UNC13C: variants seen among roughly 807,000 people sequenced by gnomAD.
The protein encoded by UNC13C is unc-13 homolog C.
In UNC13C, 174 loss-of-function variants were observed where a neutral mutation model predicts 245.4. That is an observed-to-expected ratio of 0.71 (90% confidence interval 0.63 to 0.80). The LOEUF is 0.80. Among genes scored for constraint, UNC13C ranks in the 30% least tolerant of loss-of-function variants. The probability of loss-of-function intolerance (pLI) is 0.00; values close to 1 mark genes in which losing one functional copy is unlikely to be tolerated. For missense variants in UNC13C, 2,829 were observed against 2,602.9 expected (o/e 1.09, Z -1.89); for synonymous variants, 992 against 895.1 (o/e 1.11, Z -1.93).
chr15:54,065,159 G>C (rs761032114), intron 2 of UNC13C, among the ~76,000 whole-genome samples: 5 of 152,096 alleles, frequency 3.3e-5, no homozygotes, highest in South Asian at 2.1e-4. Flanking sequence ...TTTCTAGCTT[G>C]GATCAGAGAG....
chr15:54,364,529 A>G (rs1434872134), intron 17 of UNC13C, among the ~76,000 whole-genome samples: 1 of 152,136 alleles, frequency 6.6e-6, no homozygotes, highest in African/African-American at 2.4e-5. Flanking sequence ...TCAATTTAGT[A>G]TCATCTTTTG....
chr15:54,325,776 A>G (rs922673749), intron 14 of UNC13C, among the ~76,000 whole-genome samples: 1 of 152,114 alleles, frequency 6.6e-6, no homozygotes, highest in Non-Finnish European at 1.5e-5. Context: ...GTGAAATTGG[A>G]TGAGGAAACA....
the UNC13C span, chr15:53,910,988 G>GGCA: frequency 2.0e-5 from 3 of 152,244 alleles, no homozygotes; most frequent in Non-Finnish European, 2.9e-5. Context: ...TGTACCCAGG[G>GGCA]GCAGCGGTGC....
intron 8 of UNC13C, among the ~76,000 whole-genome samples, chr15:54,256,234 G>C (rs748149183): frequency 5.9e-5 from 9 of 152,156 alleles, no homozygotes; most frequent in Non-Finnish European, 1.5e-5. Context: ...ACTTATTACT[G>C]TGAGGGAGAA....
intron 10 of UNC13C, among the ~76,000 whole-genome samples, chr15:54,289,815 AAGC>A (rs1262673091): frequency 6.6e-6 from 1 of 152,012 alleles, no homozygotes; most frequent in Non-Finnish European, 1.5e-5. Context: ...GGGAAAAAAA[AAGC>A]AGTTCCCATG....
chr15:54,202,665 C>CT (rs2034560246), intron 4 of UNC13C, among the ~76,000 whole-genome samples: 1 of 151,902 alleles, frequency 6.6e-6, no homozygotes, highest in Non-Finnish European at 1.5e-5. Flanking sequence ...TGAGAATGAA[C>CT]TGAAGATGGA....
chr15:54,079,665 C>G lies in UNC13C; in HGVS notation c.2984-63353C>G, dbSNP rs188918777. Among the ~76,000 whole-genome samples the G allele has an allele frequency of 5.2e-4, 79 of 152,048 alleles. 1 individual carries two copies. The highest frequency in any genetic ancestry group is 1.9e-3 in the African/African-American group (78 of 41,502). On this transcript the variant is annotated intron_variant, in intron 2 of 32. Transcript: ENST00000260323. Reference sequence around the variant, plus strand: ...TGATTTTTGTGCATTAATTTTGTATCCTGAAAACTGCTGAAGTTCTTTATC... The same window carrying G: ...TGATTTTTGTGCATTAATTTTGTATGCTGAAAACTGCTGAAGTTCTTTATC...
At chr15:54,027,217 T>A (rs924961880) in intron 2 of UNC13C, among the ~76,000 whole-genome samples, 1 of 150,472 alleles carries the variant, frequency 6.6e-6, no homozygotes, top group Non-Finnish European at 1.5e-5. Context: ...GTAAGAGAAA[T>A]CTGGTGCAAT....
chr15:54,257,498 A>G (rs890712288), intron 8 of UNC13C, among the ~76,000 whole-genome samples: 1 of 152,232 alleles, frequency 6.6e-6, no homozygotes, highest in African/African-American at 2.4e-5. Flanking sequence ...GGGATGGTAC[A>G]GGCAGAAGAG....
At chr15:54,010,418 C>A (rs761299380) in intron 1 of UNC13C, among the ~76,000 whole-genome samples, 4 of 151,790 alleles carry the variant, frequency 2.6e-5, no homozygotes, top group Non-Finnish European at 5.9e-5. Context: ...TGATGTTGAT[C>A]CTTGGCTGGG....
chr15:54,470,984 C>T (rs1186574715), intron 19 of UNC13C, among the ~76,000 whole-genome samples: 1 of 151,250 alleles, frequency 6.6e-6, no homozygotes, highest in Admixed American at 6.6e-5. Flanking sequence ...TTTAGGAGCA[C>T]ATTGTTCAAT....
At chr15:54,171,660 G>T (rs1411338517) in intron 4 of UNC13C, among the ~76,000 whole-genome samples, 1 of 152,068 alleles carries the variant, frequency 6.6e-6, no homozygotes, top group Non-Finnish European at 1.5e-5. Flanking sequence ...TGGTGGGATT[G>T]TAAATTAGTA....
intron 4 of UNC13C, among the ~76,000 whole-genome samples, chr15:54,206,384 TG>T (rs895275003): frequency 1.3e-5 from 2 of 152,100 alleles, no homozygotes; most frequent in Admixed American, 6.6e-5. Flanking sequence ...TTTTTCCCAT[TG>T]GAATTATTCT....
At chr15:53,969,662 G>C in the UNC13C span, among the ~76,000 whole-genome samples, 20 of 148,802 alleles carry the variant, frequency 1.3e-4, no homozygotes, top group South Asian at 4.1e-3. Context: ...CTCCAGCCTG[G>C]GCATCAGGTA....
At chr15:54,588,915 T>C (rs1001946971) in intron 30 of UNC13C, among the ~76,000 whole-genome samples, 11 of 152,246 alleles carry the variant, frequency 7.2e-5, no homozygotes, top group Non-Finnish European at 1.5e-4. Flanking sequence ...TCCACAGTTT[T>C]GCAATTGTGA....
At chr15:53,922,608 T>G in the UNC13C span, among the ~76,000 whole-genome samples, 1 of 152,156 alleles carries the variant, frequency 6.6e-6, no homozygotes, top group Non-Finnish European at 1.5e-5. Flanking sequence ...AAGCAGAAAA[T>G]AAATAACAAC....
At chr15:54,246,436 A>G (rs982728008) in intron 7 of UNC13C, among the ~76,000 whole-genome samples, 1 of 150,186 alleles carries the variant, frequency 6.7e-6, no homozygotes, top group Non-Finnish European at 1.5e-5. Context: ...TCTAATTGCA[A>G]GAGTATTACG....
intron 2 of UNC13C, among the ~76,000 whole-genome samples, chr15:54,057,444 C>G (rs1897586735): frequency 6.6e-6 from 1 of 150,998 alleles, no homozygotes; most frequent in South Asian, 2.1e-4. Context: ...AATACAGGAG[C>G]ACCCAGATTC....
At chr15:53,884,416 C>A in the UNC13C span, among the ~76,000 whole-genome samples, 3 of 152,180 alleles carry the variant, frequency 2.0e-5, no homozygotes, top group African/African-American at 7.2e-5. Flanking sequence ...GCGGCCTGAA[C>A]TCCTGGGCTC....
Sources: gnomAD v4.1 joint callset for allele counts (sites outside exome capture counted in the v4.1 genomes callset) on GRCh38, gnomAD v4.1.1 for gene constraint, MANE v1.5 for transcripts, NCBI Gene and HGNC (gene_info 2026-07-23, HGNC 2026-07-21) for gene names.